Variants in LRRC14B observed in about 807,000 individuals in gnomAD.
LRRC14B encodes leucine rich repeat containing 14B, also known as leucine-rich repeat-containing protein 14B.
A neutral mutation model predicts 16.9 loss-of-function variants in LRRC14B; 23 were observed. That is an observed-to-expected ratio of 1.36 (90% CI 0.98 to 1.92). LRRC14B has a LOEUF of 1.92. Ranked by LOEUF, LRRC14B falls within the 30% of genes most tolerant of loss-of-function variation. The probability of loss-of-function intolerance (pLI) is 0.00; values close to 1 mark genes in which losing one functional copy is unlikely to be tolerated. For synonymous variants in LRRC14B, 358 were observed against 332.5 expected, an observed-to-expected ratio of 1.08 and a Z score of -0.83; for missense variants, 766 against 705.7, an observed-to-expected ratio of 1.09 and a Z score of -0.97.
intron 1 of LRRC14B, among the ~76,000 whole-genome samples, chr5:193,462 G>A (rs537238943): frequency 2.7e-5 from 4 of 145,808 alleles, no homozygotes; most frequent in Admixed American, 6.8e-5. Flanking sequence ...CTGGTGGGGC[G>A]TTTGGCAGTG....
In LRRC14B at chr5:191,913, C is replaced by T. The variant is rs747207605; in HGVS notation, c.375C>T (p.Cys125=). ...ATGTGCAGGTGCAGCGGTGCCCGTG[C>T]GGGAGGGCGCTGGGCAGGTGGGGCC... The part of the protein sequence containing the change: ...IRDVQVQRCP[C]GRALGRWGRT... The change falls in exon 1 of 2, where the codon TGC becomes TGT. Residue 125 remains cysteine (C), a synonymous_variant. Transcript: ENST00000328278. 2.0e-6 allele frequency: 3 copies of T among 1,507,164 alleles called. No homozygotes were observed. The highest frequency in any genetic ancestry group is 8.8e-7 in the Non-Finnish European group (1 of 1,132,084). The allele number at this position is 1,507,164 out of a possible 1,614,324, so 93.4% of individuals were successfully genotyped here. A position where few individuals can be genotyped will look rare whatever the true frequency, so the allele number is the denominator to read the frequency against.
Position 191,725 on chromosome 5 carries a change from C to T in LRRC14B, c.187C>T (p.Arg63Trp), listed in dbSNP as rs1360795920. The T allele has an allele frequency of 6.4e-6, 10 of 1,573,954 alleles. No homozygotes were observed. The highest frequency in any genetic ancestry group is 1.2e-5 in the South Asian group (1 of 86,288). The stretch of plus-strand genomic sequence containing the variant: ...GGGGCGCTGGCCCCTGGAGGAGTTC[C>T]GGCTGGGAGCGCTGCTGGGTCCTGG... Reference protein sequence around the residue: ...VLGRWPLEEFRLGALLGPGAD... With the variant: ...VLGRWPLEEFWLGALLGPGAD... Residue 63 changes from arginine to tryptophan, a missense_variant, in exon 1 of 2, where the codon CGG becomes TGG. Physicochemically the swap from Arg to Trp is moderately radical, Grantham distance 101. Coordinates refer to ENST00000328278, the MANE Select transcript of LRRC14B (RefSeq NM_001080478.3).
At chr5:192,756 A>T (rs1157810841) in intron 1 of LRRC14B, among the ~76,000 whole-genome samples, 1 of 152,244 alleles carries the variant, frequency 6.6e-6, no homozygotes. Flanking sequence ...ATTGTTGATG[A>T]ACGACTCACC....
In LRRC14B at chr5:194,914, A is replaced by T; in HGVS notation, c.1106A>T (p.Glu369Val). ...SRTLRILTLE[E>V]CGIVDSHVGM... ...ACGCTGAGGATCCTGACACTGGAGG[A>T]GTGTGGCATCGTAGACAGCCACGTT... The change falls in exon 2 of 2, where the codon GAG becomes GTG. Residue 369 changes from glutamate (E) to valine (V), a missense_variant. Transcript: ENST00000328278. The T allele has an allele frequency of 6.2e-7, 1 of 1,609,404 alleles. No homozygotes were observed. The highest frequency in any genetic ancestry group is 1.7e-5 in the Admixed American group (1 of 59,114).
At chr5:192,987 A>G (rs1579349155) in intron 1 of LRRC14B, among the ~76,000 whole-genome samples, 1 of 152,256 alleles carries the variant, frequency 6.6e-6, no homozygotes, top group South Asian at 2.1e-4. Context: ...CTCTCAGCAG[A>G]TCTGCGTGAA....
chr5:195,288 T>C lies in LRRC14B; in HGVS notation c.1480T>C (p.Phe494Leu). The C allele has an allele frequency of 6.2e-7, 1 of 1,611,006 alleles. No homozygotes were observed. The highest frequency in any genetic ancestry group is 8.5e-7 in the Non-Finnish European group (1 of 1,179,874). The stretch of plus-strand genomic sequence containing the variant: ...AGAAACAAGCAATGAGCTTGGTGCT[T>C]TCTTGCTGCAAGCTTTCAAAACTGC... ...IQETSNELGA[F>L]LLQAFKTALE... Residue 494 changes from phenylalanine to leucine, a missense_variant, in exon 2 of 2, where the codon TTC (phenylalanine) becomes CTC (leucine). By Grantham distance (22) the Phe-to-Leu change is conservative. Coordinates refer to ENST00000328278, the MANE Select transcript of LRRC14B (RefSeq NM_001080478.3).
rs1733913829 is a variant in LRRC14B at position 196,085 on chromosome 5, G to A, written c.*732G>A. ...CCTGGACCAGGGCGGTCAGCGCTGC[G>A]GGGAGGCCTTTGCCCGACCGCGCCA... On this transcript the variant is annotated 3_prime_UTR_variant, in exon 2 of 2. Transcript: ENST00000328278. 6.6e-6 allele frequency: 1 copy of A among 152,456 alleles called. No individual in the cohort carries two copies. Among genetic ancestry groups the A allele is most frequent in the Non-Finnish European group, 1.5e-5 (1 of 68,166 alleles). 9.4% of individuals were successfully genotyped at this position (152,456 alleles called of 1,614,324 possible).
chr5:191,516 G>A lies in LRRC14B; in HGVS notation c.-23G>A. The A allele has an allele frequency of 6.3e-7, 1 of 1,581,668 alleles. No individual in the cohort carries two copies. The highest frequency in any genetic ancestry group is 1.1e-5 in the South Asian group (1 of 87,806). ...GGGCACACGCCTTGGGGAAAGTCGTGGGGAGCGGTCCTGTCTCGGGCCATG... is the reference window on the plus strand; with the variant it reads ...GGGCACACGCCTTGGGGAAAGTCGTAGGGAGCGGTCCTGTCTCGGGCCATG... On this transcript the variant is annotated 5_prime_UTR_variant, in exon 1 of 2. Coordinates refer to ENST00000328278, the MANE Select transcript of LRRC14B (RefSeq NM_001080478.3).
rs1331837419 is a variant in LRRC14B at position 191,503 on chromosome 5, T to C, written c.-36T>C. 1 of 1,569,984 alleles carries C rather than the reference T, an allele frequency of 6.4e-7. No homozygotes were observed. Among genetic ancestry groups the C allele is most frequent in the South Asian group, 1.2e-5 (1 of 85,032 alleles). On this transcript the variant is annotated 5_prime_UTR_variant, in exon 1 of 2. Transcript: ENST00000328278. ...AGATAGGCGTGAAGGGCACACGCCT[T>C]GGGGAAAGTCGTGGGGAGCGGTCCT...
intron 1 of LRRC14B, among the ~76,000 whole-genome samples, chr5:193,684 G>A (rs903616299): frequency 5.3e-5 from 8 of 151,662 alleles, no homozygotes; most frequent in African/African-American, 1.7e-4. Flanking sequence ...GGTGCCCTGC[G>A]GTGGGACCTT....
chr5:192,249 C>T lies in LRRC14B; in HGVS notation c.711C>T (p.Gly237=). 1 of 1,593,328 alleles carries T rather than the reference C, an allele frequency of 6.3e-7. No homozygotes were observed. The highest frequency in any genetic ancestry group is 1.3e-5 in the African/African-American group (1 of 74,422). ...TGCAGCAGCTTCTGGCCCAGGTGGGCTTCCCCCGGCTGGCCTCGCTCACCC... is the reference window on the plus strand; with the variant it reads ...TGCAGCAGCTTCTGGCCCAGGTGGGTTTCCCCCGGCTGGCCTCGCTCACCC... ...GHVQQLLAQV[G]FPRLASLTLP... The change falls in exon 1 of 2, where the codon GGC becomes GGT. Residue 237 remains glycine, a synonymous_variant. Coordinates refer to ENST00000328278, the MANE Select transcript of LRRC14B (RefSeq NM_001080478.3).
rs752314195 is a variant in LRRC14B, at chr5:192,006, C to T, written c.468C>T (p.Val156=). 5.9e-6 allele frequency: 9 copies of T among 1,534,576 alleles called. No homozygotes were observed. The highest frequency in any genetic ancestry group is 1.2e-5 in the South Asian group (1 of 84,024). ...QAEPLAAGRP[V]EVLADLFVTE... is the part of the protein sequence containing the mutation. ...AGCCCCTCGCAGCCGGGCGCCCCGT[C>T]GAGGTCCTCGCCGACCTCTTCGTCA... Residue 156 remains valine (V), a synonymous_variant, in exon 1 of 2, where the codon GTC becomes GTT. Coordinates refer to ENST00000328278, the MANE Select transcript of LRRC14B (RefSeq NM_001080478.3).
In LRRC14B at chr5:194,787, T is replaced by G; in HGVS notation, c.979T>G (p.Cys327Gly). 1 of 1,612,714 alleles carries G rather than the reference T, an allele frequency of 6.2e-7. No homozygotes were observed. ...NHTDMAFLAD[C>G]AHAAHLEVLD... ...CACGGACATGGCCTTCTTGGCAGACTGTGCCCACGCTGCCCACCTGGAGGT... is the reference window on the plus strand; with the variant it reads ...CACGGACATGGCCTTCTTGGCAGACGGTGCCCACGCTGCCCACCTGGAGGT... The change falls in exon 2 of 2, where the codon TGT (cysteine) becomes GGT (glycine). Residue 327 changes from cysteine (C) to glycine (G), a missense_variant. Cys to Gly is a radical substitution (Grantham distance 159, BLOSUM62 -3). Transcript: ENST00000328278.
rs114804588 is a variant in LRRC14B at position 195,676 on chromosome 5, G to C, written c.*323G>C. The C allele has an allele frequency of 7.7e-6, 3 of 391,984 alleles. No homozygotes were observed. The highest frequency in any genetic ancestry group is 6.2e-5 in the African/African-American group (3 of 48,672). The allele number at this position is 391,984 out of a possible 1,614,324, so 24.3% of individuals were successfully genotyped here. A position where few individuals can be genotyped will look rare whatever the true frequency, so the allele number is the denominator to read the frequency against. On this transcript the variant is annotated 3_prime_UTR_variant, in exon 2 of 2. Coordinates refer to ENST00000328278, the MANE Select transcript of LRRC14B (RefSeq NM_001080478.3). ...AGCCCGGGAGGTGTGAGGAGTGGCC[G>C]ACCTGGCCTCAGCGCATCTGGGCAC...
At position 194,928 on chromosome 5, in the gene LRRC14B, G is replaced by A. The variant is rs1733883046; in HGVS notation, c.1120G>A (p.Asp374Asn). The A allele has an allele frequency of 6.2e-7, 1 of 1,612,034 alleles. No homozygotes were observed. The highest frequency in any genetic ancestry group is 8.5e-7 in the Non-Finnish European group (1 of 1,179,184). The change falls in exon 2 of 2, where the codon GAC becomes AAC. Residue 374 changes from aspartate to asparagine, a missense_variant. Asp to Asn is a conservative substitution (Grantham distance 23). Coordinates refer to ENST00000328278, the MANE Select transcript of LRRC14B (RefSeq NM_001080478.3). ...GACACTGGAGGAGTGTGGCATCGTA[G>A]ACAGCCACGTTGGCATGCTGATCCT... ...ILTLEECGIV[D>N]SHVGMLILGL...
Position 195,394 on chromosome 5 carries a change from T to C in LRRC14B, c.*41T>C. The C allele has an allele frequency of 6.4e-7, 1 of 1,556,446 alleles. No individual in the cohort carries two copies. The highest frequency in any genetic ancestry group is 8.7e-7 in the Non-Finnish European group (1 of 1,152,968). On this transcript the variant is annotated 3_prime_UTR_variant, in exon 2 of 2. Transcript: ENST00000328278. ...CAGTGACAGGTCTTGCATTTCAGCC[T>C]GCAGGTGCCCCGGGCTTTAGTCCTG...
rs1428139546 is a variant in LRRC14B at position 195,299 on chromosome 5, A to C, written c.1491A>C (p.Gln497His). ...ATGAGCTTGGTGCTTTCTTGCTGCA[A>C]GCTTTCAAAACTGCTCTAGAAAACT... is the stretch of plus-strand genomic sequence containing the variant. ...TSNELGAFLL[Q>H]AFKTALENFS... is the part of the protein sequence containing the mutation. Residue 497 changes from glutamine (Q) to histidine (H), a missense_variant, in exon 2 of 2, where the codon CAA becomes CAC. By Grantham distance (24) the Gln-to-His change is conservative. Transcript: ENST00000328278. The C allele has an allele frequency of 6.2e-7, 1 of 1,609,356 alleles. No individual in the cohort carries two copies. The highest frequency in any genetic ancestry group is 2.2e-5 in the East Asian group (1 of 44,896).
At chr5:193,650 C>T (rs1733854540) in intron 1 of LRRC14B, among the ~76,000 whole-genome samples, 1 of 148,902 alleles carries the variant, frequency 6.7e-6, no homozygotes, top group African/African-American at 2.5e-5. Flanking sequence ...TGGGGGTGCC[C>T]TGCGGTGGGT....
In LRRC14B at chr5:194,764, C is replaced by A. The variant is rs374638282; in HGVS notation, c.956C>A (p.Thr319Lys). The change falls in exon 2 of 2, where the codon ACG becomes AAG. Residue 319 changes from threonine (T) to lysine (K), a missense_variant. Transcript: ENST00000328278. Reference protein sequence around the residue: ...LDLANCALNHTDMAFLADCAH... With the variant: ...LDLANCALNHKDMAFLADCAH... ...CTGGCCAACTGTGCCCTGAACCACA[C>A]GGACATGGCCTTCTTGGCAGACTGT... The A allele has an allele frequency of 1.9e-6, 3 of 1,613,424 alleles. No individual in the cohort carries two copies. The South Asian group carries it at 3.3e-5, about 18-fold the overall frequency.
Sources: gnomAD v4.1 joint callset for allele counts (sites outside exome capture counted in the v4.1 genomes callset) on GRCh38, gnomAD v4.1.1 for gene constraint, MANE v1.5 for transcripts, NCBI Gene and HGNC (gene_info 2026-07-23, HGNC 2026-07-21) for gene names.